CHCHD3: variants seen among roughly 807,000 people sequenced by gnomAD.
The protein encoded by CHCHD3 is MICOS complex subunit MIC19.
A neutral mutation model predicts 38.2 loss-of-function variants in CHCHD3; 20 were observed. That is an observed-to-expected ratio of 0.52 (90% CI 0.37 to 0.76). CHCHD3 has a LOEUF of 0.76. Among genes scored for constraint, CHCHD3 ranks in the 30% least tolerant of loss-of-function variants. The probability of loss-of-function intolerance (pLI) is 0.00; values close to 1 mark genes in which losing one functional copy is unlikely to be tolerated. For synonymous variants in CHCHD3, 82 were observed against 100.0 expected, an observed-to-expected ratio of 0.82 and a Z score of 1.07; for missense variants, 245 against 279.2, an observed-to-expected ratio of 0.88 and a Z score of 0.87.
Position 132,800,230 on chromosome 7 carries a change from G to A in CHCHD3, c.525-3653C>T, listed in dbSNP as rs144384492. ...TTCACTGCTTAAAAAACATGGTGAA[G>A]GACATAAATTATTAACTACCATTTC... On this transcript the variant is annotated intron_variant, in intron 6 of 7. Transcript: ENST00000262570. 9.9e-4 allele frequency among the ~76,000 whole-genome samples: 150 copies of A among 152,104 alleles called. No individual in the cohort carries two copies. In the East Asian group the frequency reaches 0.025, roughly 26 times the overall value.
At chr7:132,991,751 T>G (rs1812289487) in intron 3 of CHCHD3, among the ~76,000 whole-genome samples, 1 of 152,176 alleles carries the variant, frequency 6.6e-6, no homozygotes, top group Admixed American at 6.5e-5. Context: ...TCTTAGTTTT[T>G]TTTTTCCTCA....
intron 1 of CHCHD3, among the ~76,000 whole-genome samples, chr7:133,078,700 T>C (rs1339197927): frequency 1.3e-5 from 2 of 152,210 alleles, no homozygotes; most frequent in African/African-American, 2.4e-5. Flanking sequence ...AGTCGAACCA[T>C]CCTAACAGGA....
chr7:132,919,518 A>G (rs1428943610), intron 4 of CHCHD3, among the ~76,000 whole-genome samples: 3 of 152,198 alleles, frequency 2.0e-5, no homozygotes, highest in South Asian at 2.1e-4. Flanking sequence ...ATATTATAAA[A>G]TATACTTTCA....
At chr7:132,808,233 G>A (rs1014793977) in intron 6 of CHCHD3, among the ~76,000 whole-genome samples, 3 of 152,126 alleles carry the variant, frequency 2.0e-5, no homozygotes, top group Non-Finnish European at 4.4e-5. Flanking sequence ...GGTGTAACAC[G>A]AGCATTTGGA....
Position 132,946,172 on chromosome 7 carries a change from A to G in CHCHD3, c.369+28997T>C, listed in dbSNP as rs1017813871. 8.0e-5 allele frequency among the ~76,000 whole-genome samples: 12 copies of G among 150,642 alleles called. No homozygotes were observed. The East Asian group carries it at 9.7e-4, about 12-fold the overall frequency. On this transcript the variant is annotated intron_variant, in intron 4 of 7. Coordinates refer to ENST00000262570, the MANE Select transcript of CHCHD3 (RefSeq NM_017812.4). ...CTAAAAATTTACTTGGCCTTTATAT[A>G]TGTGTGTGTGTGTGTGTGTATACAC...
chr7:132,932,965 T>C (rs1810549768), intron 4 of CHCHD3, among the ~76,000 whole-genome samples: 1 of 152,158 alleles, frequency 6.6e-6, no homozygotes, highest in Admixed American at 6.5e-5. Context: ...TTGTGTCATC[T>C]GAAAAAGAAA....
At chr7:132,823,838 C>T (rs929726459) in intron 6 of CHCHD3, among the ~76,000 whole-genome samples, 7 of 152,288 alleles carry the variant, frequency 4.6e-5, no homozygotes, top group African/African-American at 1.7e-4. Context: ...TCTTAGGACA[C>T]CATTCAAAGA....
intron 5 of CHCHD3, among the ~76,000 whole-genome samples, chr7:132,861,043 A>C (rs1808477677): frequency 6.6e-6 from 1 of 152,216 alleles, no homozygotes; most frequent in African/African-American, 2.4e-5. Flanking sequence ...AGAGAGATGG[A>C]GGCTTGGTTT....
At chr7:133,064,583 T>A (rs1430819249) in intron 2 of CHCHD3, among the ~76,000 whole-genome samples, 1 of 152,208 alleles carries the variant, frequency 6.6e-6, no homozygotes, top group East Asian at 1.9e-4. Context: ...ACAGAACTTA[T>A]ACATGAATCT....
At chr7:132,839,322 A>C (rs1807880755) in intron 5 of CHCHD3, among the ~76,000 whole-genome samples, 1 of 152,214 alleles carries the variant, frequency 6.6e-6, no homozygotes, top group Admixed American at 6.5e-5. Flanking sequence ...TAATAACAAA[A>C]AATGTTTCCA....
intron 2 of CHCHD3, among the ~76,000 whole-genome samples, chr7:133,043,460 G>A (rs976888176): frequency 6.6e-6 from 1 of 152,040 alleles, no homozygotes; most frequent in Non-Finnish European, 1.5e-5. Context: ...TGGCCATCAT[G>A]GCGAAACTCC....
chr7:132,968,627 A>T (rs1370468883), intron 4 of CHCHD3, among the ~76,000 whole-genome samples: 1 of 152,192 alleles, frequency 6.6e-6, no homozygotes. Flanking sequence ...TCTAAATTGC[A>T]CCCAAAAACA....
intron 4 of CHCHD3, among the ~76,000 whole-genome samples, chr7:132,940,757 TG>T (rs1810745680): frequency 6.6e-6 from 1 of 152,174 alleles, no homozygotes; most frequent in Admixed American, 6.5e-5. Flanking sequence ...TAAGTGAGCT[TG>T]TTAAGAAAGA....
intron 5 of CHCHD3, among the ~76,000 whole-genome samples, chr7:132,876,226 G>A (rs1475282126): frequency 6.6e-6 from 1 of 152,160 alleles, no homozygotes; most frequent in Non-Finnish European, 1.5e-5. Flanking sequence ...TTTGAAATTG[G>A]ATGTGAAGAA....
chr7:132,920,894 C>G (rs1234810932), intron 4 of CHCHD3, among the ~76,000 whole-genome samples: 1 of 151,784 alleles, frequency 6.6e-6, no homozygotes, highest in Non-Finnish European at 1.5e-5. Flanking sequence ...AAACAGCAAA[C>G]CTTACATGCT....
rs1383595243 is a variant in CHCHD3, at chr7:132,971,946, T to C, written c.369+3223A>G. On this transcript the variant is annotated intron_variant, in intron 4 of 7. Coordinates refer to ENST00000262570, the MANE Select transcript of CHCHD3 (RefSeq NM_017812.4). Reference sequence around the variant, plus strand: ...ATTATGGGTTCTGAAGATGCCCACCTCTCCAGCTGGGGATCAAGGAACTAA... The same window carrying C: ...ATTATGGGTTCTGAAGATGCCCACCCCTCCAGCTGGGGATCAAGGAACTAA... Among the ~76,000 whole-genome samples, 7 of 152,222 alleles carry C rather than the reference T, an allele frequency of 4.6e-5. No individual in the cohort carries two copies. The East Asian group carries it at 1.4e-3, about 29-fold the overall frequency.
At chr7:132,846,267 A>G (rs1280125786) in intron 5 of CHCHD3, among the ~76,000 whole-genome samples, 1 of 152,190 alleles carries the variant, frequency 6.6e-6, no homozygotes, top group East Asian at 1.9e-4. Flanking sequence ...AACCCTGCAC[A>G]GGGCCATGTC....
chr7:133,050,521 A>G (rs1814133352), intron 2 of CHCHD3, among the ~76,000 whole-genome samples: 1 of 152,114 alleles, frequency 6.6e-6, no homozygotes, highest in African/African-American at 2.4e-5. Context: ...ACATGGAGGC[A>G]GAAAATGATT....
chr7:132,929,820 T>C (rs1309236683), intron 4 of CHCHD3, among the ~76,000 whole-genome samples: 2 of 152,186 alleles, frequency 1.3e-5, no homozygotes, highest in Non-Finnish European at 2.9e-5. Context: ...AAGGGGTAGA[T>C]GCTTGAGAGC....
Sources: gnomAD v4.1 joint callset for allele counts (sites outside exome capture counted in the v4.1 genomes callset) on GRCh38, gnomAD v4.1.1 for gene constraint, MANE v1.5 for transcripts, NCBI Gene and HGNC (gene_info 2026-07-23, HGNC 2026-07-21) for gene names.